The following ATP6V1A variants were observed in gnomAD, a reference collection of about 807,000 sequenced individuals.
ATP6V1A encodes the protein ATPase H+ transporting V1 subunit A.
In ATP6V1A, 18 loss-of-function variants were observed where a neutral mutation model predicts 70.1. That is an observed-to-expected ratio of 0.26 (90% CI 0.18 to 0.38). ATP6V1A has a LOEUF of 0.38. Among genes scored for constraint, ATP6V1A ranks in the 10% least tolerant of loss-of-function variants. ATP6V1A has a pLI of 1.00. For synonymous variants in ATP6V1A, 232 were observed against 253.8 expected (o/e 0.91, Z 0.82); for missense variants, 424 against 772.4 (o/e 0.55, Z 5.35).
intron 2 of ATP6V1A, 86 bp from the exon 3 acceptor site, chr3:113,780,964 G>A: frequency 6.7e-7 from 1 of 1,482,464 alleles, no homozygotes; most frequent in South Asian, 1.4e-5. Context: ...GCACAATACT[G>A]GGTTTATTGG....
chr3:113,785,011 G>T (rs148875270), intron 5 of ATP6V1A, among the ~76,000 whole-genome samples, 178 bp downstream of exon 5: 198 of 152,274 alleles, frequency 1.3e-3, no homozygotes, highest in African/African-American at 4.5e-3. Flanking sequence ...GGATGAAAAA[G>T]CAGAACATAG....
intron 1 of ATP6V1A, among the ~76,000 whole-genome samples, chr3:113,766,740 C>T (rs562905464): frequency 2.6e-5 from 4 of 152,282 alleles, no homozygotes; most frequent in Admixed American, 1.3e-4. Flanking sequence ...ACATTTAGTC[C>T]ATGACACATG....
At chr3:113,796,675 T>A (rs1398713467) in intron 11 of ATP6V1A, among the ~76,000 whole-genome samples, 1 of 152,234 alleles carries the variant, frequency 6.6e-6, no homozygotes. Flanking sequence ...GTGTATATTA[T>A]TCATGTGGGA....
intron 13 of ATP6V1A, among the ~76,000 whole-genome samples, chr3:113,805,054 C>T (rs3773681): frequency 0.33 from 50,174 of 151,962 alleles, 8,445 homozygotes; most frequent in Non-Finnish European, 0.36. Flanking sequence ...TATAGTAATA[C>T]TGTTTCATTG....
chr3:113,754,742 T>G (rs1042151053), intron 1 of ATP6V1A, among the ~76,000 whole-genome samples: 1 of 152,152 alleles, frequency 6.6e-6, no homozygotes, highest in Non-Finnish European at 1.5e-5. Flanking sequence ...AAGTCCCTAT[T>G]TGGGTTTTGG....
intron 1 of ATP6V1A, among the ~76,000 whole-genome samples, chr3:113,768,871 C>T (rs1708803449): frequency 6.6e-6 from 1 of 152,114 alleles, no homozygotes; most frequent in African/African-American, 2.4e-5. Flanking sequence ...GCTGGGATTA[C>T]AGCCACCGTG....
chr3:113,785,675 ATT>A (rs1206591270), intron 5 of ATP6V1A, among the ~76,000 whole-genome samples: 1 of 140,838 alleles, frequency 7.1e-6, no homozygotes. Context: ...TGCCCAGTTA[ATT>A]TTTTTTTTTT....
chr3:113,780,837 GTAAA>G (rs1175492948), intron 2 of ATP6V1A: 22 of 1,337,510 alleles, frequency 1.6e-5, no homozygotes, highest in Non-Finnish European at 2.2e-5. Context: ...TGTATATTAT[GTAAA>G]TAAATAATCT....
At chr3:113,751,247 G>A (rs967213904) in intron 1 of ATP6V1A, among the ~76,000 whole-genome samples, 5 of 151,958 alleles carry the variant, frequency 3.3e-5, no homozygotes, top group Admixed American at 6.6e-5. Flanking sequence ...ACAAAGAAAT[G>A]TAGAGAACAT....
intron 1 of ATP6V1A, among the ~76,000 whole-genome samples, chr3:113,778,012 T>C (rs1001633025): frequency 2.0e-5 from 3 of 152,174 alleles, no homozygotes; most frequent in Non-Finnish European, 4.4e-5. Flanking sequence ...TATCGATATT[T>C]CCTATGAAAT....
chr3:113,782,562 G>GTA (rs1178825123), intron 3 of ATP6V1A, among the ~76,000 whole-genome samples: 54 of 139,716 alleles, frequency 3.9e-4, no homozygotes, highest in Non-Finnish European at 6.3e-4. Context: ...ATATACATGT[G>GTA]TATATATATA....
chr3:113,759,117 A>G (rs1577080446), intron 1 of ATP6V1A, among the ~76,000 whole-genome samples: 2 of 152,222 alleles, frequency 1.3e-5, no homozygotes, highest in South Asian at 4.1e-4. Context: ...TTTTTGTTCT[A>G]ACAATGTTTT....
chr3:113,778,893 C>CAAAATATTTCTATGT, intron 2 of ATP6V1A, 58 bp downstream of exon 2: 1 of 1,169,276 alleles, frequency 8.6e-7, no homozygotes, highest in Non-Finnish European at 1.2e-6. Context: ...AATGTCTTTT[C>CAAAATATTTCTATGT]AAAATATTTT....
chr3:113,787,633 C>T (rs1385254379), intron 6 of ATP6V1A, among the ~76,000 whole-genome samples: 1 of 152,122 alleles, frequency 6.6e-6, no homozygotes, highest in Non-Finnish European at 1.5e-5. Flanking sequence ...AGGAATAGAT[C>T]TCCCAGCATA....
intron 1 of ATP6V1A, among the ~76,000 whole-genome samples, chr3:113,753,918 A>G (rs886830424): frequency 1.3e-5 from 2 of 151,972 alleles, no homozygotes; most frequent in African/African-American, 2.4e-5. Context: ...GCCATCATGT[A>G]TCTTAAGAAA....
chr3:113,755,361 T>C (rs1708635971), intron 1 of ATP6V1A, among the ~76,000 whole-genome samples: 1 of 144,930 alleles, frequency 6.9e-6, no homozygotes, highest in Admixed American at 7.4e-5. Flanking sequence ...CCCAGCACTT[T>C]GGGAGGCCGA....
At chr3:113,777,686 G>A (rs1158110962) in intron 1 of ATP6V1A, among the ~76,000 whole-genome samples, 3 of 152,212 alleles carry the variant, frequency 2.0e-5, no homozygotes, top group Non-Finnish European at 4.4e-5. Context: ...CCAGGAAGTT[G>A]AGTTGGCTGT....
Position 113,798,450 on chromosome 3 carries a change from A to G in ATP6V1A, c.1494+4A>G, listed in dbSNP as rs1487284432. The G allele has an allele frequency of 6.2e-7, 1 of 1,613,526 alleles. No homozygotes were observed. The highest frequency in any genetic ancestry group is 1.1e-5 in the South Asian group (1 of 90,926). Reference sequence around the variant, plus strand: ...AATTGTACAGCTTGTGGGAAAGGTGAGTTGTTAAATTCCATGGAAGATAGA... The same window carrying G: ...AATTGTACAGCTTGTGGGAAAGGTGGGTTGTTAAATTCCATGGAAGATAGA... On this transcript the variant is annotated splice_donor_region_variant and intron_variant, in intron 12 of 14. Coordinates refer to ENST00000273398, the MANE Select transcript of ATP6V1A (RefSeq NM_001690.4).
intron 1 of ATP6V1A, among the ~76,000 whole-genome samples, chr3:113,768,047 G>A (rs1423493134): frequency 6.6e-6 from 1 of 152,204 alleles, no homozygotes; most frequent in Non-Finnish European, 1.5e-5. Context: ...TCCATTCCCA[G>A]TTTAAGTGTC....
Sources: allele counts gnomAD v4.1 joint callset (sites outside exome capture counted in the v4.1 genomes callset), GRCh38; gene constraint gnomAD v4.1.1; transcripts MANE v1.5; gene names NCBI Gene and HGNC (gene_info 2026-07-23, HGNC 2026-07-21).